DLC1: variants seen among roughly 807,000 people sequenced by gnomAD.
DLC1 encodes the protein rho GTPase-activating protein 7.
A neutral mutation model predicts 140.3 loss-of-function variants in DLC1; 54 were observed. The observed-to-expected ratio is 0.38, with a 90% confidence interval of 0.31 to 0.48. DLC1 has a LOEUF of 0.48. Among genes scored for constraint, DLC1 ranks in the 20% least tolerant of loss-of-function variants. The pLI is 0.96. For synonymous variants in DLC1, 986 were observed against 728.1 expected (o/e 1.35, Z -5.70); for missense variants, 2,536 against 1,907.0 (o/e 1.33, Z -6.14).
chr8:13,298,693 A>C (rs887227057), intron 5 of DLC1, among the ~76,000 whole-genome samples: 5 of 152,142 alleles, frequency 3.3e-5, no homozygotes, highest in Admixed American at 1.3e-4. Flanking sequence ...TAAAGAAGTG[A>C]TATTATTGTT....
intron 1 of DLC1, among the ~76,000 whole-genome samples, chr8:13,594,251 A>T (rs536428978): frequency 5.9e-5 from 9 of 152,260 alleles, no homozygotes; most frequent in African/African-American, 2.2e-4. Context: ...TCCAACAAAC[A>T]GAAAACCTCA....
intron 5 of DLC1, among the ~76,000 whole-genome samples, chr8:13,182,396 G>A (rs765174252): frequency 4.6e-5 from 7 of 151,902 alleles, no homozygotes; most frequent in Non-Finnish European, 8.8e-5. Context: ...ATCCTTGCCC[G>A]TGCCTATGTC....
intron 5 of DLC1, among the ~76,000 whole-genome samples, chr8:13,235,398 A>G (rs1196770626): frequency 6.6e-6 from 1 of 152,048 alleles, no homozygotes; most frequent in African/African-American, 2.4e-5. Flanking sequence ...AATGGATTAC[A>G]TTCTCCTCAA....
intron 1 of DLC1, among the ~76,000 whole-genome samples, chr8:13,572,315 T>C (rs1411305575): frequency 6.6e-6 from 1 of 152,166 alleles, no homozygotes; most frequent in Non-Finnish European, 1.5e-5. Context: ...GGTCTCGATC[T>C]CCTGACCTTG....
intron 5 of DLC1, among the ~76,000 whole-genome samples, chr8:13,255,285 G>C (rs1830174313): frequency 6.6e-6 from 1 of 152,132 alleles, no homozygotes. Flanking sequence ...GTACTCTTAA[G>C]TGTCAATTTT....
intron 1 of DLC1, among the ~76,000 whole-genome samples, chr8:13,512,937 C>T (rs1353566593): frequency 2.0e-5 from 3 of 148,738 alleles, no homozygotes; most frequent in Non-Finnish European, 4.4e-5. Flanking sequence ...TTTTTTTCCC[C>T]ACATAATTAA....
At chr8:13,180,952 A>G (rs1292209419) in intron 5 of DLC1, among the ~76,000 whole-genome samples, 1 of 151,972 alleles carries the variant, frequency 6.6e-6, no homozygotes, top group Non-Finnish European at 1.5e-5. Context: ...TGGTTTCACT[A>G]TTTAGCGCTT....
At position 13,108,571 on chromosome 8, in the gene DLC1, G is replaced by A. The variant is rs145222438; in HGVS notation, c.1502+2171C>T. Among the ~76,000 whole-genome samples the A allele has an allele frequency of 3.6e-3, 546 of 152,300 alleles. 2 individuals carry two copies. The highest frequency in any genetic ancestry group is 0.012 in the African/African-American group (507 of 41,570). On this transcript the variant is annotated intron_variant, in intron 7 of 17. Transcript: ENST00000276297. ...GAAATGGAAAACAACATTTCAAACT[G>A]ATATTCTGAAAAAGCATTCAAGAAT...
At chr8:13,520,511 T>C (rs1802731010) in intron 1 of DLC1, among the ~76,000 whole-genome samples, 1 of 151,886 alleles carries the variant, frequency 6.6e-6, no homozygotes, top group Non-Finnish European at 1.5e-5. Context: ...TTAGGAGAAA[T>C]ACCTAACGTA....
intron 5 of DLC1, among the ~76,000 whole-genome samples, chr8:13,160,021 C>G (rs1015202700): frequency 6.6e-6 from 1 of 151,948 alleles, no homozygotes; most frequent in African/African-American, 2.4e-5. Flanking sequence ...AGCCGGGTGT[C>G]CTGGCACACG....
At chr8:13,294,026 A>T (rs1004605773) in intron 5 of DLC1, among the ~76,000 whole-genome samples, 2 of 152,206 alleles carry the variant, frequency 1.3e-5, no homozygotes, top group East Asian at 3.9e-4. Context: ...TTTGTGGAGT[A>T]GAACCAATAC....
intron 1 of DLC1, chr8:13,567,636 G>C (rs1262279795): frequency 6.4e-7 from 1 of 1,551,648 alleles, no homozygotes; most frequent in South Asian, 1.2e-5. Flanking sequence ...CTGCCTTTCT[G>C]AAACAAAAGA....
In DLC1 at chr8:13,305,647, G is replaced by A. The variant is rs531221564; in HGVS notation, c.1315-345C>T. ...AGCCCAGGAGTTTGAGACCAGCCAG[G>A]ACAACATGGTGAAACCCCATCTCTA... is the stretch of plus-strand genomic sequence containing the variant. On this transcript the variant is annotated intron_variant, in intron 4 of 17. Transcript: ENST00000276297. Among the ~76,000 whole-genome samples, 201 of 152,260 alleles carry A rather than the reference G, an allele frequency of 1.3e-3. 2 individuals carry two copies. The highest frequency in any genetic ancestry group is 4.8e-3 in the African/African-American group (198 of 41,558).
chr8:13,152,502 C>T (rs185006794), intron 5 of DLC1, among the ~76,000 whole-genome samples: 31 of 152,140 alleles, frequency 2.0e-4, no homozygotes, highest in Non-Finnish European at 3.4e-4. Context: ...TTTTAATTTC[C>T]ATGAAATATT....
rs1362779085 is a variant in DLC1 at position 13,499,104 on chromosome 8, T to G, written c.968A>C (p.Glu323Ala). The G allele has an allele frequency of 6.2e-7, 1 of 1,614,058 alleles. No individual in the cohort carries two copies. Among genetic ancestry groups the G allele is most frequent in the South Asian group, 1.1e-5 (1 of 91,056 alleles). Reference sequence around the variant, plus strand: ...TGTGGGTTCCTGGGTGGCCAGGGTCTCCTTTAATTGTAAACACTGCATGCC... The same window carrying G: ...TGTGGGTTCCTGGGTGGCCAGGGTCGCCTTTAATTGTAAACACTGCATGCC... ...EDGMQCLQLK[E>A]TLATQEPTDN... The change falls in exon 2 of 18, where the codon GAG (glutamate) becomes GCG (alanine). Residue 323 changes from glutamate (E) to alanine (A), a missense_variant. Coordinates refer to ENST00000276297, the MANE Select transcript of DLC1 (RefSeq NM_182643.3).
chr8:13,548,986 A>G (rs2117350322), intron 1 of DLC1, among the ~76,000 whole-genome samples: 1 of 152,168 alleles, frequency 6.6e-6, no homozygotes, highest in African/African-American at 2.4e-5. Flanking sequence ...TGTCCCCTCA[A>G]TTTATAAAAT....
intron 1 of DLC1, among the ~76,000 whole-genome samples, chr8:13,565,371 G>A (rs1804390595): frequency 6.6e-6 from 1 of 152,168 alleles, no homozygotes; most frequent in South Asian, 2.1e-4. Flanking sequence ...TGAATAGTGT[G>A]TAAATATGAA....
chr8:13,169,956 G>A lies in DLC1; in HGVS notation c.1349-54299C>T, dbSNP rs1299213493. On this transcript the variant is annotated intron_variant, in intron 5 of 17. Transcript: ENST00000276297. ...GATCACTTGAGTCTGGGAGGTCAAG[G>A]TGGCGGTGAGCTGTGATCACCCTGT... Among the ~76,000 whole-genome samples, 4 of 152,026 alleles carry A rather than the reference G, an allele frequency of 2.6e-5. 1 individual carries two copies. Among genetic ancestry groups the A allele is most frequent in the African/African-American group, 9.7e-5 (4 of 41,398 alleles).
intron 5 of DLC1, among the ~76,000 whole-genome samples, chr8:13,134,309 T>A (rs1314566259): frequency 6.6e-6 from 1 of 152,174 alleles, no homozygotes; most frequent in Non-Finnish European, 1.5e-5. Context: ...ACTAAACTCA[T>A]TCATTCAACA....
Sources: gnomAD v4.1 joint callset for allele counts (sites outside exome capture counted in the v4.1 genomes callset) on GRCh38, gnomAD v4.1.1 for gene constraint, MANE v1.5 for transcripts, NCBI Gene and HGNC (gene_info 2026-07-23, HGNC 2026-07-21) for gene names.